The following SCN11A variants were observed in gnomAD, a reference collection of about 807,000 sequenced individuals.
SCN11A encodes the protein sodium channel protein type 11 subunit alpha.
Under a neutral mutation model 162.2 loss-of-function variants are expected in SCN11A, and 122 were observed. The ratio of observed to expected loss-of-function variants is 0.75; its 90% confidence interval spans 0.65 to 0.87. The LOEUF (loss-of-function observed/expected upper bound fraction) is 0.87, where lower values mean the gene tolerates loss of function less well. Ranked by LOEUF, SCN11A falls within the 40% of genes least tolerant of loss-of-function variation. The pLI, the probability that SCN11A is intolerant of heterozygous loss-of-function variation, is 0.00. For synonymous variants in SCN11A, 758 were observed against 751.5 expected, an observed-to-expected ratio of 1.01 and a Z score of -0.14; for missense variants, 2,015 against 2,181.6, an observed-to-expected ratio of 0.92 and a Z score of 1.52.
At chr3:39,022,862 G>C (rs1389093756) in intron 2 of SCN11A, among the ~76,000 whole-genome samples, 2 of 151,692 alleles carry the variant, frequency 1.3e-5, no homozygotes, top group African/African-American at 2.4e-5. Context: ...CTGGGTGACA[G>C]AGCAAGACCC....
rs574572233 is a variant in SCN11A at position 38,973,794 on chromosome 3, A to G, written c.-279-13371T>C. Among the ~76,000 whole-genome samples, 49 of 152,320 alleles carry G rather than the reference A, an allele frequency of 3.2e-4. 1 individual carries two copies. In the South Asian group the frequency reaches 1.0e-2, roughly 31 times the overall value. On this transcript the variant is annotated intron_variant, in intron 2 of 29. Transcript: ENST00000302328. ...ACTGCACAAGGTTGAGGCAGGACAG[A>G]AAGCCTGGGGACCATCTAAAGTGGA...
intron 19 of SCN11A, among the ~76,000 whole-genome samples, chr3:38,890,040 G>A (rs977544727): frequency 1.3e-5 from 2 of 151,396 alleles, no homozygotes; most frequent in East Asian, 3.9e-4. Context: ...TCTGAGTTAA[G>A]GCCTCTAAAT....
chr3:38,942,582 A>T (rs1205441777), intron 7 of SCN11A, among the ~76,000 whole-genome samples: 1 of 152,208 alleles, frequency 6.6e-6, no homozygotes, highest in African/African-American at 2.4e-5. Context: ...AATATTAAAA[A>T]ACACACTTCT....
At chr3:38,963,399 T>TGAGGGAG in intron 2 of SCN11A, among the ~76,000 whole-genome samples, 1 of 58,036 alleles carries the variant, frequency 1.7e-5, no homozygotes, top group Non-Finnish European at 2.9e-5. Flanking sequence ...TGGAGATATA[T>TGAGGGAG]ATATATATAT....
At chr3:39,028,572 G>T (rs2031660742) in intron 2 of SCN11A, among the ~76,000 whole-genome samples, 1 of 152,084 alleles carries the variant, frequency 6.6e-6, no homozygotes, top group South Asian at 2.1e-4. Context: ...AGAATGCCTG[G>T]GACTGGGTAA....
At chr3:38,989,041 G>A (rs999766667) in intron 2 of SCN11A, among the ~76,000 whole-genome samples, 13 of 152,164 alleles carry the variant, frequency 8.5e-5, no homozygotes, top group African/African-American at 2.9e-4. Context: ...GCAACCATTA[G>A]AGTAAGGTGG....
chr3:38,854,649 G>T (rs9852838), intron 28 of SCN11A, among the ~76,000 whole-genome samples: 38,732 of 152,140 alleles, frequency 0.25, 5,071 homozygotes, highest in Middle Eastern at 0.3. Context: ...CACGAGACAG[G>T]TGAAAAGCCG....
intron 7 of SCN11A, among the ~76,000 whole-genome samples, chr3:38,929,199 A>G (rs2066200497): frequency 6.6e-6 from 1 of 151,334 alleles, no homozygotes; most frequent in South Asian, 2.1e-4. Flanking sequence ...CAAGTAATTC[A>G]GTCAAACAAC....
intron 19 of SCN11A, among the ~76,000 whole-genome samples, chr3:38,890,431 TAAG>T (rs1371998624): frequency 1.3e-5 from 2 of 152,164 alleles, no homozygotes; most frequent in African/African-American, 4.8e-5. Flanking sequence ...CATAAGCAAA[TAAG>T]AAGAGATTGG....
chr3:38,929,943 A>G (rs1378581551), intron 7 of SCN11A, among the ~76,000 whole-genome samples: 5 of 152,214 alleles, frequency 3.3e-5, no homozygotes, highest in African/African-American at 1.2e-4. Context: ...ATACATCTGT[A>G]TTCTTTACAA....
chr3:38,909,234 T>C (rs778911151), intron 12 of SCN11A, 40 bp from the exon 13 acceptor site: 4 of 1,600,094 alleles, frequency 2.5e-6, no homozygotes, highest in Non-Finnish European at 3.4e-6. Context: ...TCAAACCTTC[T>C]TCCACAGGAA....
In SCN11A at chr3:38,850,582, A is replaced by G. The variant is rs2064759928; in HGVS notation, c.4226T>C (p.Phe1409Ser). Residue 1409 changes from phenylalanine (F) to serine (S), a missense_variant, in exon 29 of 30, where the codon TTT becomes TCT. Physicochemically the swap from Phe to Ser is radical, Grantham distance 155. Coordinates refer to ENST00000302328, the MANE Select transcript of SCN11A (RefSeq NM_001349253.2). ...DHLNWVFVVIFTLECLIKIFA... is the reference protein window; with the variant it reads ...DHLNWVFVVISTLECLIKIFA... Reference sequence around the variant, plus strand: ...GATTTTGATGAGACATTCTAACGTAAAGATGACCACAAAGACCCAGTTGAG... The same window carrying G: ...GATTTTGATGAGACATTCTAACGTAGAGATGACCACAAAGACCCAGTTGAG... 1.9e-6 allele frequency: 3 copies of G among 1,613,996 alleles called. No homozygotes were observed. The highest frequency in any genetic ancestry group is 2.5e-6 in the Non-Finnish European group (3 of 1,179,918).
intron 2 of SCN11A, among the ~76,000 whole-genome samples, chr3:38,988,670 G>A (rs902145413): frequency 2.0e-5 from 3 of 152,212 alleles, no homozygotes; most frequent in Non-Finnish European, 4.4e-5. Context: ...CGTTCAGAGT[G>A]TTATAAGACT....
chr3:38,896,808 C>T (rs1350361616), intron 18 of SCN11A, 37 bp downstream of exon 18: 57 of 1,127,252 alleles, frequency 5.1e-5, no homozygotes, highest in Non-Finnish European at 5.3e-5. Flanking sequence ...CATGTAGGAT[C>T]TTTTTTTTTT....
chr3:38,958,041 C>T (rs1298603959), intron 3 of SCN11A, among the ~76,000 whole-genome samples: 1 of 152,210 alleles, frequency 6.6e-6, no homozygotes, highest in Non-Finnish European at 1.5e-5. Context: ...TGTGAAAGCA[C>T]TGAGGGCTGC....
At position 38,883,466 on chromosome 3, in the gene SCN11A, T is replaced by C. The variant is rs2065344319; in HGVS notation, c.3065-79A>G. The C allele has an allele frequency of 2.9e-6, 4 of 1,379,940 alleles. No homozygotes were observed. The East Asian group carries it at 9.2e-5, about 32-fold the overall frequency. The allele number at this position is 1,379,940 out of a possible 1,614,324, so 85.5% of individuals were successfully genotyped here. Reference sequence around the variant, plus strand: ...AAATGCAACTCTTCACCCCTTTCTGTGTTCATGCCCCTTGCCATGCGACCT... The same window carrying C: ...AAATGCAACTCTTCACCCCTTTCTGCGTTCATGCCCCTTGCCATGCGACCT... On this transcript the variant is annotated intron_variant, in intron 21 of 29. Transcript: ENST00000302328.
chr3:38,993,729 A>G (rs1298268291), intron 2 of SCN11A, among the ~76,000 whole-genome samples: 1 of 152,188 alleles, frequency 6.6e-6, no homozygotes, highest in African/African-American at 2.4e-5. Flanking sequence ...GCTGCTGTTT[A>G]TGCCCTGTCC....
At chr3:38,988,919 G>C (rs953041431) in intron 2 of SCN11A, among the ~76,000 whole-genome samples, 2 of 152,044 alleles carry the variant, frequency 1.3e-5, no homozygotes, top group African/African-American at 4.8e-5. Flanking sequence ...AGGACATAAA[G>C]GAAAAAGGCA....
intron 19 of SCN11A, among the ~76,000 whole-genome samples, chr3:38,886,705 T>C (rs1453858534): frequency 6.6e-6 from 1 of 152,060 alleles, no homozygotes; most frequent in African/African-American, 2.4e-5. Context: ...AAAGAAAAAT[T>C]TGAAAAATAA....
Sources: allele counts gnomAD v4.1 joint callset (sites outside exome capture counted in the v4.1 genomes callset), GRCh38; gene constraint gnomAD v4.1.1; transcripts MANE v1.5; gene names NCBI Gene and HGNC (gene_info 2026-07-23, HGNC 2026-07-21).